KAZN: variants seen among roughly 807,000 people sequenced by gnomAD.
KAZN encodes kazrin, periplakin interacting protein.
KAZN carries 40 observed loss-of-function variants against 87.4 expected under a neutral mutation model. The ratio of observed to expected loss-of-function variants is 0.46; its 90% confidence interval spans 0.36 to 0.60. The LOEUF (loss-of-function observed/expected upper bound fraction) is 0.60, where lower values mean the gene tolerates loss of function less well. Ranked by LOEUF, KAZN falls within the 20% of genes least tolerant of loss-of-function variation. The probability of loss-of-function intolerance (pLI) is 0.00; values close to 1 mark genes in which losing one functional copy is unlikely to be tolerated. For synonymous variants in KAZN, 466 were observed against 458.3 expected (o/e 1.02, Z -0.22); for missense variants, 898 against 1,073.9 (o/e 0.84, Z 2.29).
intron 1 of KAZN, among the ~76,000 whole-genome samples, chr1:14,765,580 T>C (rs1480475010): frequency 1.3e-5 from 2 of 152,150 alleles, no homozygotes; most frequent in African/African-American, 2.4e-5. Flanking sequence ...GCAAAGGACA[T>C]AGGAGAGACA....
At chr1:13,904,088 T>A (rs977696497) in intron 1 of KAZN, among the ~76,000 whole-genome samples, 2 of 152,110 alleles carry the variant, frequency 1.3e-5, no homozygotes, top group Non-Finnish European at 2.9e-5. Context: ...TACAATGTCA[T>A]CAGTGCTTAA....
At chr1:14,341,177 A>G (rs1272107836) in intron 2 of KAZN, among the ~76,000 whole-genome samples, 1 of 151,978 alleles carries the variant, frequency 6.6e-6, no homozygotes, top group African/African-American at 2.4e-5. Context: ...AACAGGCATG[A>G]GCCACCGTGC....
chr1:14,369,978 G>C (rs1457196109), intron 2 of KAZN, among the ~76,000 whole-genome samples: 1 of 152,176 alleles, frequency 6.6e-6, no homozygotes, highest in Non-Finnish European at 1.5e-5. Context: ...GTAAATCCTT[G>C]TACTGTGGGT....
At chr1:14,861,757 T>C (rs573543605) in intron 1 of KAZN, among the ~76,000 whole-genome samples, 1 of 152,098 alleles carries the variant, frequency 6.6e-6, no homozygotes, top group Admixed American at 6.6e-5. Context: ...CAATGAGACT[T>C]TGACTGAGAC....
At chr1:13,905,245 C>T (rs1264965220) in intron 1 of KAZN, among the ~76,000 whole-genome samples, 1 of 152,168 alleles carries the variant, frequency 6.6e-6, no homozygotes, top group Non-Finnish European at 1.5e-5. Flanking sequence ...ATTTCTTCTG[C>T]TTTTCTGTTG....
At chr1:14,074,878 G>A (rs1317024809) in intron 1 of KAZN, among the ~76,000 whole-genome samples, 1 of 152,170 alleles carries the variant, frequency 6.6e-6, no homozygotes, top group Non-Finnish European at 1.5e-5. Context: ...ATTAAATAAA[G>A]GTGTTGGACT....
At chr1:13,938,219 A>G (rs1230950120) in intron 1 of KAZN, among the ~76,000 whole-genome samples, 1 of 152,146 alleles carries the variant, frequency 6.6e-6, no homozygotes, top group Non-Finnish European at 1.5e-5. Flanking sequence ...AGTGTTTTGT[A>G]GTTCTCCTTG....
intron 1 of KAZN, among the ~76,000 whole-genome samples, chr1:14,800,107 C>T (rs1322686609): frequency 6.6e-6 from 1 of 152,064 alleles, no homozygotes; most frequent in Non-Finnish European, 1.5e-5. Flanking sequence ...GAGGAGACAG[C>T]AGAGATTTAC....
chr1:14,970,840 C>T (rs942483647), intron 2 of KAZN, among the ~76,000 whole-genome samples: 10 of 152,254 alleles, frequency 6.6e-5, no homozygotes, highest in Non-Finnish European at 1.5e-4. Flanking sequence ...GTTTTGGAAA[C>T]ATTTACCAGA....
In KAZN at chr1:14,790,222, G is replaced by C. The variant is rs115158210; in HGVS notation, c.227-170462G>C. ...AGACGGGGTTTCTCCATGTCGGTCA[G>C]GCTAGTCTTGAACTCCCGACCTTAA... On this transcript the variant is annotated intron_variant, in intron 1 of 14. Coordinates refer to ENST00000376030, the MANE Select transcript of KAZN (RefSeq NM_201628.3). Among the ~76,000 whole-genome samples, 489 of 151,754 alleles carry C rather than the reference G, an allele frequency of 3.2e-3. 1 individual carries two copies. The highest frequency in any genetic ancestry group is 5.7e-3 in the Non-Finnish European group (385 of 67,934).
intron 2 of KAZN, among the ~76,000 whole-genome samples, chr1:14,391,946 A>T (rs1185686887): frequency 2.6e-5 from 4 of 152,174 alleles, no homozygotes; most frequent in Admixed American, 2.6e-4. Context: ...TGCACTCATA[A>T]TTCTCTGTCT....
intron 2 of KAZN, among the ~76,000 whole-genome samples, chr1:14,986,238 T>G (rs1357725094): frequency 2.6e-5 from 4 of 152,054 alleles, no homozygotes; most frequent in African/African-American, 9.7e-5. Context: ...GGTAGTACAG[T>G]AATAAAACAC....
chr1:13,898,293 T>A (rs1639119735), intron 1 of KAZN, among the ~76,000 whole-genome samples: 1 of 152,192 alleles, frequency 6.6e-6, no homozygotes, highest in Non-Finnish European at 1.5e-5. Context: ...TGACCTGGCA[T>A]TTGGCTGCGT....
chr1:14,143,770 T>C (rs1015623713), intron 1 of KAZN, among the ~76,000 whole-genome samples: 20 of 151,866 alleles, frequency 1.3e-4, no homozygotes. Flanking sequence ...CAGGCTGGAG[T>C]ACAGTGGTGT....
intron 1 of KAZN, among the ~76,000 whole-genome samples, chr1:13,895,445 C>G (rs1639000482): frequency 6.6e-6 from 1 of 152,146 alleles, no homozygotes; most frequent in African/African-American, 2.4e-5. Context: ...GCCATGAAAT[C>G]CTCTGCCTCT....
intron 7 of KAZN, among the ~76,000 whole-genome samples, chr1:15,065,005 C>T (rs61772196): frequency 0.061 from 9,269 of 151,218 alleles, 407 homozygotes; most frequent in Non-Finnish European, 0.096. Flanking sequence ...CACCAGACAC[C>T]GTCCTTGGGG....
chr1:14,074,180 C>T (rs918980730), intron 1 of KAZN, among the ~76,000 whole-genome samples: 6 of 152,122 alleles, frequency 3.9e-5, no homozygotes, highest in African/African-American at 7.2e-5. Flanking sequence ...CATCCCCCTA[C>T]CTCACAAATG....
At chr1:15,080,949 A>G (rs773042848) in intron 8 of KAZN, among the ~76,000 whole-genome samples, 76 of 152,236 alleles carry the variant, frequency 5.0e-4, no homozygotes, top group Non-Finnish European at 1.0e-3. Context: ...GGACAGCCCC[A>G]TGACAAAGAA....
chr1:14,259,164 G>T (rs1650813918), intron 2 of KAZN, among the ~76,000 whole-genome samples: 1 of 152,070 alleles, frequency 6.6e-6, no homozygotes, highest in Admixed American at 6.5e-5. Flanking sequence ...TGGCTAGGCA[G>T]CATGCATGCC....
Sources: allele counts gnomAD v4.1 joint callset (sites outside exome capture counted in the v4.1 genomes callset), GRCh38; gene constraint gnomAD v4.1.1; transcripts MANE v1.5; gene names NCBI Gene and HGNC (gene_info 2026-07-23, HGNC 2026-07-21).